The following PPP4R2 variants were observed in gnomAD, a reference collection of about 807,000 sequenced individuals.
The protein encoded by PPP4R2 is protein phosphatase 4 regulatory subunit 2.
In PPP4R2, 13 loss-of-function variants were observed where a neutral mutation model predicts 47.2. That is an observed-to-expected ratio of 0.28 (90% confidence interval 0.18 to 0.44). The LOEUF is 0.44. Among genes scored for constraint, PPP4R2 ranks in the 20% least tolerant of loss-of-function variants. The pLI is 1.00. For missense variants in PPP4R2, 421 were observed against 491.2 expected (o/e 0.86, Z 1.35); for synonymous variants, 151 against 163.3 (o/e 0.92, Z 0.57).
At position 73,024,104 on chromosome 3, in the gene PPP4R2, C is replaced by T. The variant is rs540439314; in HGVS notation, c.117-23082C>T. Among the ~76,000 whole-genome samples the T allele has an allele frequency of 2.0e-5, 3 of 152,090 alleles. No individual in the cohort carries two copies. In the South Asian group the frequency reaches 6.2e-4, roughly 32 times the overall value. The stretch of plus-strand genomic sequence containing the variant: ...ATTGGCTGAAATGAACAGCCTTTTT[C>T]AGACTAGAAACTTAAATTCATAAAT... On this transcript the variant is annotated intron_variant, in intron 2 of 8. Transcript: ENST00000356692.
intron 2 of PPP4R2, among the ~76,000 whole-genome samples, chr3:73,023,190 G>GTT (rs1425949473): frequency 7.1e-6 from 1 of 140,300 alleles, no homozygotes; most frequent in Admixed American, 7.1e-5. Flanking sequence ...CCTTTTTTTT[G>GTT]TTTTTTTTTT....
intron 4 of PPP4R2, 43 bp from the exon 5 acceptor site, chr3:73,060,977 TGTA>T (rs1360790881): frequency 2.2e-6 from 3 of 1,370,590 alleles, no homozygotes; most frequent in African/African-American, 1.5e-5. Flanking sequence ...AACTTTATGT[TGTA>T]GTACTTTTCT....
intron 2 of PPP4R2, among the ~76,000 whole-genome samples, chr3:73,014,681 T>G (rs1425949633): frequency 1.3e-5 from 2 of 152,194 alleles, no homozygotes; most frequent in Non-Finnish European, 2.9e-5. Context: ...TGCTAACATC[T>G]TATAGTTTTT....
intron 2 of PPP4R2, among the ~76,000 whole-genome samples, chr3:73,000,671 T>A (rs1362472544): frequency 1.3e-5 from 2 of 152,192 alleles, no homozygotes; most frequent in Non-Finnish European, 2.9e-5. Flanking sequence ...ACTAAATTGA[T>A]GTGAAGAGGG....
intron 3 of PPP4R2, among the ~76,000 whole-genome samples, chr3:73,053,303 A>G (rs1311111302): frequency 6.6e-6 from 1 of 151,860 alleles, no homozygotes; most frequent in Non-Finnish European, 1.5e-5. Context: ...TCTTAGAATA[A>G]TTACTTGAGA....
chr3:73,030,014 G>C (rs528860506), intron 2 of PPP4R2, among the ~76,000 whole-genome samples: 1 of 152,288 alleles, frequency 6.6e-6, no homozygotes, highest in South Asian at 2.1e-4. Flanking sequence ...GATAATGGGA[G>C]GGAGACAGCT....
intron 5 of PPP4R2, chr3:73,063,095 A>C (rs1319672802): frequency 3.4e-6 from 2 of 584,458 alleles, no homozygotes; most frequent in Non-Finnish European, 6.0e-6. Context: ...ATTATTGGGG[A>C]GCTGTCACCA....
At chr3:73,007,758 G>A (rs1348141446) in intron 2 of PPP4R2, among the ~76,000 whole-genome samples, 2 of 152,106 alleles carry the variant, frequency 1.3e-5, no homozygotes, top group Non-Finnish European at 2.9e-5. Context: ...CGAAGTGCTG[G>A]GATAACAGGT....
In PPP4R2 at chr3:73,068,102, G is replaced by A. The variant is rs944697314; in HGVS notation, c.*2380G>A. Reference sequence around the variant, plus strand: ...GATGGCCATTTGGAAGTAAATTTCCGCAGGTATTCATAGGTGCACTTAACA... The same window carrying A: ...GATGGCCATTTGGAAGTAAATTTCCACAGGTATTCATAGGTGCACTTAACA... On this transcript the variant is annotated 3_prime_UTR_variant, in exon 9 of 9. Transcript: ENST00000356692. 24 of 152,190 alleles carry A rather than the reference G, an allele frequency of 1.6e-4. No individual in the cohort carries two copies. The highest frequency in any genetic ancestry group is 2.6e-4 in the Non-Finnish European group (18 of 68,004). 9.4% of individuals were successfully genotyped at this position (152,190 alleles called of 1,614,324 possible).
intron 2 of PPP4R2, among the ~76,000 whole-genome samples, chr3:72,998,771 T>C (rs1281613633): frequency 6.6e-6 from 1 of 152,186 alleles, no homozygotes; most frequent in African/African-American, 2.4e-5. Flanking sequence ...GCTATAAAGT[T>C]AGGGCTGTGT....
chr3:73,024,928 C>CA (rs1326144770), intron 2 of PPP4R2, among the ~76,000 whole-genome samples: 1 of 152,056 alleles, frequency 6.6e-6, no homozygotes, highest in Non-Finnish European at 1.5e-5. Context: ...ACTACCAAGC[C>CA]AAAGGGTATG....
intron 2 of PPP4R2, among the ~76,000 whole-genome samples, chr3:73,016,737 T>C (rs1053623396): frequency 2.3e-5 from 3 of 129,230 alleles, no homozygotes; most frequent in African/African-American, 6.0e-5. Flanking sequence ...TTGTTTATTT[T>C]TATTATTTTT....
At chr3:73,010,194 A>C (rs1701694305) in intron 2 of PPP4R2, among the ~76,000 whole-genome samples, 1 of 152,126 alleles carries the variant, frequency 6.6e-6, no homozygotes, top group Non-Finnish European at 1.5e-5. Flanking sequence ...TTATCAGTTA[A>C]CCACTTAACG....
chr3:72,997,137 G>A (rs1018131450), intron 1 of PPP4R2, 66 bp downstream of exon 1: 3 of 1,244,252 alleles, frequency 2.4e-6, no homozygotes, highest in East Asian at 6.3e-5. Flanking sequence ...CTCCTTTCAG[G>A]GCGGATGGTT....
At chr3:73,019,562 C>T (rs1030464631) in intron 2 of PPP4R2, among the ~76,000 whole-genome samples, 3 of 152,064 alleles carry the variant, frequency 2.0e-5, no homozygotes, top group Non-Finnish European at 4.4e-5. Flanking sequence ...TTAGTAGAGA[C>T]GGGGTTTTGC....
intron 2 of PPP4R2, among the ~76,000 whole-genome samples, chr3:73,039,734 GACAA>G (rs1702338689): frequency 6.6e-6 from 1 of 152,128 alleles, no homozygotes; most frequent in Non-Finnish European, 1.5e-5. Context: ...ATCCTCCTGT[GACAA>G]AGAATTCTAT....
rs191486083 is a variant in PPP4R2, at chr3:73,055,835, G to C, written c.288-3202G>C. 2.6e-4 allele frequency among the ~76,000 whole-genome samples: 39 copies of C among 152,130 alleles called. No individual in the cohort carries two copies. In the East Asian group the frequency reaches 4.7e-3, roughly 18 times the overall value. ...AGGCCAGGCTGGTTCTTGAACTCCTGACCTCAGGGGATCGCCTGCTTCGGC... is the reference window on the plus strand; with the variant it reads ...AGGCCAGGCTGGTTCTTGAACTCCTCACCTCAGGGGATCGCCTGCTTCGGC... On this transcript the variant is annotated intron_variant, in intron 3 of 8. Coordinates refer to ENST00000356692, the MANE Select transcript of PPP4R2 (RefSeq NM_174907.4).
Position 73,047,282 on chromosome 3 carries a change from C to T in PPP4R2, c.213C>T (p.Pro71=), listed in dbSNP as rs201324354. 1.2e-6 allele frequency: 2 copies of T among 1,611,368 alleles called. No individual in the cohort carries two copies. The highest frequency in any genetic ancestry group is 1.7e-5 in the Admixed American group (1 of 59,836). ...RTSAPEPRGP[P]NPNVEYIPFD... ...CAGCTCCTGAGCCAAGAGGTCCTCC[C>T]AACCCTAATGTCGAATATATTCCCT... Residue 71 remains proline, a synonymous_variant, in exon 3 of 9, where the codon CCC becomes CCT. Transcript: ENST00000356692.
In PPP4R2 at chr3:72,996,971, G is replaced by A. The variant is rs1701357132; in HGVS notation, c.-67G>A. ...AGGGGGAGGGCGTCGGGGGGGTGGG[G>A]GGAGGCGTTCCGGTCCCCAAGAGAC... is the stretch of plus-strand genomic sequence containing the variant. On this transcript the variant is annotated 5_prime_UTR_variant, in exon 1 of 9. Coordinates refer to ENST00000356692, the MANE Select transcript of PPP4R2 (RefSeq NM_174907.4). 4.1e-6 allele frequency: 5 copies of A among 1,228,512 alleles called. No individual in the cohort carries two copies. The South Asian group carries it at 7.0e-5, about 17-fold the overall frequency. 76.1% of individuals were successfully genotyped at this position (1,228,512 alleles called of 1,614,324 possible).
Sources: allele counts gnomAD v4.1 joint callset (sites outside exome capture counted in the v4.1 genomes callset), GRCh38; gene constraint gnomAD v4.1.1; transcripts MANE v1.5; gene names NCBI Gene and HGNC (gene_info 2026-07-23, HGNC 2026-07-21).